Variants in WTIP observed in about 807,000 individuals in gnomAD.
The protein encoded by WTIP is WT1 interacting protein, also known as Wilms tumor protein 1-interacting protein.
In WTIP, 23 loss-of-function variants were observed where a neutral mutation model predicts 41.7. The ratio of observed to expected loss-of-function variants is 0.55; its 90% confidence interval spans 0.40 to 0.78. The LOEUF (loss-of-function observed/expected upper bound fraction) is 0.78. WTIP is among the 30% of genes least tolerant of loss of function. The pLI, the probability that WTIP is intolerant of heterozygous loss-of-function variation, is 0.00. For synonymous variants in WTIP, 314 were observed against 269.9 expected (o/e 1.16, Z -1.60); for missense variants, 619 against 610.5 (o/e 1.01, Z -0.15).
In WTIP at chr19:34,493,163, T is replaced by C. The variant is rs2075834463; in HGVS notation, c.837+59T>C. On this transcript the variant is annotated intron_variant, in intron 3 of 7. Transcript: ENST00000590071. The surrounding 1 kb of genome is among the most constrained non-coding windows in gnomAD (Gnocchi z 4.1). ...GTGGGAGGTGGGGCAGGGACCCTCA[T>C]TCTGACTCGAGTGGAGACCTGAGGC... 5 of 1,613,204 alleles carry C rather than the reference T, an allele frequency of 3.1e-6. No homozygotes were observed. Among genetic ancestry groups the C allele is most frequent in the Non-Finnish European group, 4.2e-6 (5 of 1,179,246 alleles).
chr19:34,484,008 C>A (rs1015942995), intron 1 of WTIP, among the ~76,000 whole-genome samples: 9 of 148,174 alleles, frequency 6.1e-5, no homozygotes, highest in Non-Finnish European at 1.0e-4. Context: ...CTCACTGCAA[C>A]CTCCGACTCC....
chr19:34,484,873 C>G (rs892252036), intron 1 of WTIP, among the ~76,000 whole-genome samples: 3 of 144,224 alleles, frequency 2.1e-5, no homozygotes, highest in African/African-American at 7.8e-5. Context: ...CAGGCTGCAA[C>G]GAGCTATGAT....
chr19:34,492,050 A>C (rs62123428), intron 2 of WTIP, among the ~76,000 whole-genome samples: 12,381 of 151,132 alleles, frequency 0.082, 961 homozygotes, highest in East Asian at 0.41. Context: ...TCTAGAACTT[A>C]ACATAAATGC....
At position 34,481,909 on chromosome 19, in the gene WTIP, G is replaced by C; in HGVS notation, c.-66G>C. On this transcript the variant is annotated 5_prime_UTR_variant, in exon 1 of 8. Transcript: ENST00000590071. ...CCGGGCTTCGGGCGGACGATGCGGC[G>C]GCCCGGCCGGAGCGGCGGCGGGAAG... 2 of 940,604 alleles carry C rather than the reference G, an allele frequency of 2.1e-6. No homozygotes were observed. The highest frequency in any genetic ancestry group is 2.5e-6 in the Non-Finnish European group (2 of 790,148). The allele number at this position is 940,604 out of a possible 1,614,324, so 58.3% of individuals were successfully genotyped here.
At chr19:34,487,102 CTTTTTT>C (rs34893888) in intron 1 of WTIP, among the ~76,000 whole-genome samples, 1 of 96,730 alleles carries the variant, frequency 1.0e-5, no homozygotes, top group Non-Finnish European at 1.9e-5. Flanking sequence ...TCCCTGCCTG[CTTTTTT>C]TTTTTTTTTT....
At chr19:34,495,657 C>T in intron 6 of WTIP, 46 bp from the exon 7 acceptor site, 1 of 1,607,772 alleles carries the variant, frequency 6.2e-7, no homozygotes, top group Non-Finnish European at 8.5e-7. Flanking sequence ...AGTTTGCCTC[C>T]AGTCCCCACA....
At position 34,494,662 on chromosome 19, in the gene WTIP, AT is replaced by A. The variant is rs1362669435; in HGVS notation, c.1083+26del. On this transcript the variant is annotated intron_variant, in intron 6 of 7. Transcript: ENST00000590071. Reference sequence around the variant, plus strand: ...GGTAGGAGCCACTCACCCAGAGATGATCAGGTGCCTGGCCCAGCCGGCTGCT... The same window carrying A: ...GGTAGGAGCCACTCACCCAGAGATGACAGGTGCCTGGCCCAGCCGGCTGCT... The A allele has an allele frequency of 7.6e-5, 123 of 1,610,288 alleles. No homozygotes were observed. In the African/African-American group the frequency reaches 1.4e-3, roughly 18 times the overall value.
chr19:34,498,878 C>T (rs1291850712), intron 7 of WTIP, among the ~76,000 whole-genome samples: 3 of 150,948 alleles, frequency 2.0e-5, no homozygotes, highest in Non-Finnish European at 4.4e-5. Context: ...CCAGTCTGGG[C>T]GAGACTCTGT....
At position 34,510,527 on chromosome 19, in the gene WTIP, C is replaced by T. The variant is rs1168566796; in HGVS notation, c.*10258C>T. ...CTGTGATGGGAAGACCAATGACATGCCCTGGAGACATTTTCCCCATTGTCT... is the reference window on the plus strand; with the variant it reads ...CTGTGATGGGAAGACCAATGACATGTCCTGGAGACATTTTCCCCATTGTCT... On this transcript the variant is annotated 3_prime_UTR_variant, in exon 8 of 8. Transcript: ENST00000590071. The T allele has an allele frequency of 6.6e-6, 1 of 152,188 alleles. No individual in the cohort carries two copies. The highest frequency in any genetic ancestry group is 1.9e-4 in the East Asian group (1 of 5,192). 9.4% of individuals were successfully genotyped at this position (152,188 alleles called of 1,614,324 possible). A position where few individuals can be genotyped will look rare whatever the true frequency, so the allele number is the denominator to read the frequency against.
chr19:34,496,358 A>G lies in WTIP; in HGVS notation c.1152+587A>G, dbSNP rs574607616. Among the ~76,000 whole-genome samples, 6 of 152,062 alleles carry G rather than the reference A, an allele frequency of 3.9e-5. No homozygotes were observed. The South Asian group carries it at 8.3e-4, about 21-fold the overall frequency. The stretch of plus-strand genomic sequence containing the variant: ...GCTAATTTTGTTAATTTTAGTAGAG[A>G]TGGGGTTTCATCATGTTACCCAGGC... On this transcript the variant is annotated intron_variant, in intron 7 of 7. Transcript: ENST00000590071.
chr19:34,496,175 A>T (rs77392056), intron 7 of WTIP, among the ~76,000 whole-genome samples: 18,215 of 152,102 alleles, frequency 0.12, 1,428 homozygotes, highest in East Asian at 0.41. Flanking sequence ...ATTTTTTTTT[A>T]AAATTTTTAT....
intron 1 of WTIP, among the ~76,000 whole-genome samples, chr19:34,485,175 C>T (rs1044258070): frequency 2.6e-5 from 4 of 152,154 alleles, no homozygotes; most frequent in East Asian, 1.9e-4. Context: ...CCTCCACCTC[C>T]GGGTTCAAGT....
Position 34,498,831 on chromosome 19 carries a change from C to T in WTIP, c.1153-1298C>T, listed in dbSNP as rs548027512. Among the ~76,000 whole-genome samples, 100 of 151,916 alleles carry T rather than the reference C, an allele frequency of 6.6e-4. 1 individual carries two copies. Among genetic ancestry groups the T allele is most frequent in the African/African-American group, 2.2e-3 (90 of 41,386 alleles). On this transcript the variant is annotated intron_variant, in intron 7 of 7. Transcript: ENST00000590071. Reference sequence around the variant, plus strand: ...AGGAGAATGGCGTGAACCCGGGAGGCGGAGCTTGCAGTGAGCTGAGATCAT... The same window carrying T: ...AGGAGAATGGCGTGAACCCGGGAGGTGGAGCTTGCAGTGAGCTGAGATCAT...
At chr19:34,491,869 C>A (rs1203650899) in intron 2 of WTIP, among the ~76,000 whole-genome samples, 1 of 152,070 alleles carries the variant, frequency 6.6e-6, no homozygotes, top group East Asian at 1.9e-4. Context: ...TGGTCTCGAT[C>A]TCCTGACCTC....
At chr19:34,487,641 T>C (rs1166197571) in intron 1 of WTIP, among the ~76,000 whole-genome samples, 5 of 152,132 alleles carry the variant, frequency 3.3e-5, no homozygotes, top group African/African-American at 9.7e-5. Flanking sequence ...GTGTGGGCCA[T>C]GTTCTCTTTG....
intron 1 of WTIP, among the ~76,000 whole-genome samples, chr19:34,489,924 A>G (rs892102385): frequency 6.6e-6 from 1 of 152,060 alleles, no homozygotes. Flanking sequence ...ACAGAGCGAG[A>G]TCCTGTCTCT....
chr19:34,503,824 A>G lies in WTIP; in HGVS notation c.*3555A>G, dbSNP rs1278225168. On this transcript the variant is annotated 3_prime_UTR_variant, in exon 8 of 8. Coordinates refer to ENST00000590071, the MANE Select transcript of WTIP (RefSeq NM_001080436.2). ...GTTCCACCTGCACTGGTCCAAGTCC[A>G]GCCTGGTTGCCTAGTGAAGGATCCA... The G allele has an allele frequency of 6.6e-6, 1 of 152,448 alleles. No homozygotes were observed. Among genetic ancestry groups the G allele is most frequent in the Non-Finnish European group, 1.5e-5 (1 of 68,230 alleles). 9.4% of individuals were successfully genotyped at this position (152,448 alleles called of 1,614,324 possible).
At chr19:34,486,364 G>GTTT (rs753046388) in intron 1 of WTIP, among the ~76,000 whole-genome samples, 3 of 148,036 alleles carry the variant, frequency 2.0e-5, no homozygotes, top group Admixed American at 1.4e-4. Context: ...GCCTTTGTCA[G>GTTT]TTTGTTTTTT....
Position 34,502,414 on chromosome 19 carries a change from C to T in WTIP, c.*2145C>T, listed in dbSNP as rs1454438796. On this transcript the variant is annotated 3_prime_UTR_variant, in exon 8 of 8. Coordinates refer to ENST00000590071, the MANE Select transcript of WTIP (RefSeq NM_001080436.2). ...GAGACTACAGGTGTGCCCCATGACG[C>T]CCAGCTATTTTTTTTTTTTTTTTTT... 6.8e-6 allele frequency: 1 copy of T among 146,676 alleles called. No individual in the cohort carries two copies. The highest frequency in any genetic ancestry group is 1.5e-5 in the Non-Finnish European group (1 of 67,558). 9.1% of individuals were successfully genotyped at this position (146,676 alleles called of 1,614,324 possible).
Sources: gnomAD v4.1 joint callset for allele counts (sites outside exome capture counted in the v4.1 genomes callset) on GRCh38, gnomAD v4.1.1 for gene constraint, Gnocchi (gnomAD v3.1) non-coding constraint, MANE v1.5 for transcripts, NCBI Gene and HGNC (gene_info 2026-07-23, HGNC 2026-07-21) for gene names.